Variants in POLN observed in about 807,000 individuals in gnomAD.
The protein encoded by POLN is DNA polymerase nu.
Under a neutral mutation model 113.5 loss-of-function variants are expected in POLN, and 108 were observed. That is an observed-to-expected ratio of 0.95 (90% confidence interval 0.81 to 1.12). The LOEUF is 1.12. POLN is among the 50% of genes most tolerant of loss of function. The pLI is 0.00. For missense variants in POLN, 1,097 were observed against 1,077.1 expected (o/e 1.02, Z -0.26); for synonymous variants, 386 against 391.5 (o/e 0.99, Z 0.17).
chr4:2,129,408 G>C, intron 17 of POLN, 152 bp from the exon 18 acceptor site: 3 of 547,344 alleles, frequency 5.5e-6, no homozygotes, highest in Non-Finnish European at 9.7e-6. Context: ...TTATTTTAGA[G>C]ATGGGGGTCT....
At chr4:2,194,215 C>A (rs1004342904) in intron 6 of POLN, among the ~76,000 whole-genome samples, 2 of 152,192 alleles carry the variant, frequency 1.3e-5, no homozygotes, top group Non-Finnish European at 2.9e-5. Context: ...GAGACCATAT[C>A]TTCCTGCTGC....
chr4:2,103,347 C>T (rs908613830), intron 19 of POLN, among the ~76,000 whole-genome samples: 1 of 151,702 alleles, frequency 6.6e-6, no homozygotes, highest in African/African-American at 2.4e-5. Flanking sequence ...ACAGACTGGG[C>T]CAAGCAGAAG....
At chr4:2,076,942 C>T (rs1170906772) in intron 23 of POLN, 1 of 152,210 alleles carries the variant, frequency 6.6e-6, no homozygotes, top group African/African-American at 2.4e-5. Context: ...AAGGACATTT[C>T]CCAGGCTCTC....
At chr4:2,200,507 A>G (rs765632977) in intron 5 of POLN, among the ~76,000 whole-genome samples, 2 of 152,224 alleles carry the variant, frequency 1.3e-5, no homozygotes, top group Non-Finnish European at 2.9e-5. Context: ...GGTATCCACA[A>G]CCGAAAGACC....
Position 2,198,151 on chromosome 4 carries a change from G to A in POLN, c.908+373C>T, listed in dbSNP as rs34446870. On this transcript the variant is annotated intron_variant, in intron 6 of 25. Coordinates refer to ENST00000511885, the MANE Select transcript of POLN (RefSeq NM_181808.4). ...GGACAATTTATTGTTTGCAGGCAGT[G>A]ATAACTTTGTTTTCTAATGCTGTGA... Among the ~76,000 whole-genome samples, 1,067 of 152,318 alleles carry A rather than the reference G, an allele frequency of 7.0e-3. 7 individuals are homozygous for A. The highest frequency in any genetic ancestry group is 0.024 in the African/African-American group (997 of 41,566).
intron 7 of POLN, among the ~76,000 whole-genome samples, chr4:2,190,230 G>T (rs1489780043): frequency 6.6e-6 from 1 of 152,024 alleles, no homozygotes; most frequent in Non-Finnish European, 1.5e-5. Context: ...CAATGGAACA[G>T]AATAGAGACC....
At chr4:2,136,259 T>C (rs939433027) in intron 16 of POLN, among the ~76,000 whole-genome samples, 2 of 152,242 alleles carry the variant, frequency 1.3e-5, no homozygotes, top group Admixed American at 6.5e-5. Flanking sequence ...ATAATTTTCT[T>C]ACAATTTTAA....
intron 16 of POLN, among the ~76,000 whole-genome samples, chr4:2,145,257 T>C (rs1436546785): frequency 2.0e-5 from 3 of 151,394 alleles, no homozygotes; most frequent in Admixed American, 2.0e-4. Context: ...TAAGATAGGG[T>C]TCCTTAAATG....
chr4:2,145,385 G>T (rs1055904519), intron 16 of POLN, among the ~76,000 whole-genome samples: 1 of 151,960 alleles, frequency 6.6e-6, no homozygotes, highest in Non-Finnish European at 1.5e-5. Context: ...ACCACAGACT[G>T]GGAGAAGATA....
intron 16 of POLN, among the ~76,000 whole-genome samples, chr4:2,154,080 C>T (rs1172773319): frequency 1.3e-5 from 2 of 150,164 alleles, no homozygotes; most frequent in East Asian, 4.0e-4. Flanking sequence ...TGCCTGTAGT[C>T]CTAGCTACTC....
chr4:2,209,038 G>A (rs540612610), intron 4 of POLN, among the ~76,000 whole-genome samples: 3 of 152,152 alleles, frequency 2.0e-5, no homozygotes, highest in African/African-American at 7.2e-5. Flanking sequence ...GGGAATCAGT[G>A]CATGTAATGA....
chr4:2,232,988 T>A (rs1241078257), intron 2 of POLN, among the ~76,000 whole-genome samples: 1 of 152,154 alleles, frequency 6.6e-6, no homozygotes, highest in African/African-American at 2.4e-5. Context: ...ACCCCCCCAC[T>A]AGACTAAATT....
Position 2,228,678 on chromosome 4 carries a change from C to T in POLN, c.133+421G>A, listed in dbSNP as rs879042710. On this transcript the variant is annotated intron_variant, in intron 3 of 25. Transcript: ENST00000511885. ...ATACCACATCATAAATCCATATACA[C>T]TGATCCAATAATCCTTGCCACCTAA... The T allele has an allele frequency of 6.8e-5, 12 of 177,740 alleles. No individual in the cohort carries two copies. The South Asian group carries it at 1.2e-3, about 18-fold the overall frequency. 11.0% of individuals were successfully genotyped at this position (177,740 alleles called of 1,614,324 possible).
intron 16 of POLN, among the ~76,000 whole-genome samples, chr4:2,141,282 G>A (rs1351893173): frequency 6.6e-6 from 1 of 152,208 alleles, no homozygotes; most frequent in Non-Finnish European, 1.5e-5. Context: ...TTAGACATGT[G>A]GGGAAAGCAC....
chr4:2,105,322 T>C (rs930423824), intron 19 of POLN, among the ~76,000 whole-genome samples: 2 of 152,088 alleles, frequency 1.3e-5, no homozygotes, highest in African/African-American at 4.8e-5. Flanking sequence ...GCAGCAATAG[T>C]CTCCTCTGCC....
chr4:2,110,312 A>G (rs990725989), intron 19 of POLN, among the ~76,000 whole-genome samples: 11 of 152,292 alleles, frequency 7.2e-5, no homozygotes, highest in Admixed American at 3.3e-4. Flanking sequence ...TGACACCCTA[A>G]CATCACAATT....
intron 13 of POLN, among the ~76,000 whole-genome samples, chr4:2,166,768 G>A (rs1732738997): frequency 6.6e-6 from 1 of 152,078 alleles, no homozygotes; most frequent in Admixed American, 6.5e-5. Flanking sequence ...ACTCAGCCTT[G>A]GACTCAGAGT....
chr4:2,221,646 G>A (rs1243069559), intron 3 of POLN, among the ~76,000 whole-genome samples: 1 of 152,068 alleles, frequency 6.6e-6, no homozygotes, highest in East Asian at 1.9e-4. Context: ...GTGTGATCTT[G>A]GCTCACTGCA....
intron 2 of POLN, chr4:2,240,125 A>T: frequency 6.2e-7 from 1 of 1,614,026 alleles, no homozygotes; most frequent in East Asian, 2.2e-5. Flanking sequence ...GAATTAACTG[A>T]TGTTGAGCAC....
Sources: gnomAD v4.1 joint callset for allele counts (sites outside exome capture counted in the v4.1 genomes callset) on GRCh38, gnomAD v4.1.1 for gene constraint, MANE v1.5 for transcripts, NCBI Gene and HGNC (gene_info 2026-07-23, HGNC 2026-07-21) for gene names.